Variants in PRB3 observed in about 807,000 individuals in gnomAD.
PRB3 encodes proline rich protein BstNI subfamily 3.
A neutral mutation model predicts 10.0 loss-of-function variants in PRB3; 9 were observed. That is an observed-to-expected ratio of 0.90 (90% CI 0.54 to 1.57). PRB3 has a LOEUF of 1.57. Among genes scored for constraint, PRB3 ranks in the 40% most tolerant of loss-of-function variants. PRB3 has a pLI of 0.00. For synonymous variants in PRB3, 89 were observed against 138.6 expected (o/e 0.64, Z 2.52); for missense variants, 285 against 385.5 (o/e 0.74, Z 2.18).
At chr12:11,269,537 C>G in intron 1 of PRB3, 69 bp downstream of exon 1, 4 of 1,571,926 alleles carry the variant, frequency 2.5e-6, no homozygotes, top group East Asian at 2.2e-5. Context: ...CCTCTCTTCC[C>G]CATAATTACA....
chr12:11,269,666 G>A lies in PRB3; in HGVS notation c.4C>T (p.Leu2=). 1 of 1,614,034 alleles carries A rather than the reference G, an allele frequency of 6.2e-7. No homozygotes were observed. The highest frequency in any genetic ancestry group is 1.3e-5 in the African/African-American group (1 of 75,046). M[L]LILLSVALLA... is the part of the protein sequence containing the mutation. ...AGGGCCACCGACAGCAGAATCAGTA[G>A]CATCTTGCTGGAGGCTCTGGAGTCA... Residue 2 remains leucine (L), a synonymous_variant, in exon 1 of 4, where the codon CTA becomes TTA. Coordinates refer to ENST00000538488, the MANE Select transcript of PRB3 (RefSeq NM_001394862.1).
Position 11,267,941 on chromosome 12 carries a change from G to T in PRB3, c.308C>A (p.Pro103His), listed in dbSNP as rs1477143783. ...TTGGGACTGGTTTCCTCCTTGTGGG[G>T]GTTGTCCTTCTGGCTTTCCCGGACG... ...PPRPGKPEGQ[P>H]PQGGNQSQGP... Residue 103 changes from proline (P) to histidine (H), a missense_variant, in exon 3 of 4, where the codon CCC becomes CAC. Pro to His is a moderately conservative substitution (Grantham distance 77). Transcript: ENST00000538488. 1.3e-6 allele frequency: 2 copies of T among 1,542,724 alleles called. No individual in the cohort carries two copies. Among genetic ancestry groups the T allele is most frequent in the Non-Finnish European group, 1.7e-6 (2 of 1,147,606 alleles).
chr12:11,268,075 T>A lies in PRB3; in HGVS notation c.174A>T (p.Glu58Asp). The change falls in exon 3 of 4, where the codon GAA becomes GAT. Residue 58 changes from glutamate to aspartate, a missense_variant. Transcript: ENST00000538488. ...QRTPPPPGKP[E>D]GRPPQGGNQS... ...GGTTGCCTCCTTGTGGGGGTCGTCC[T>A]TCTGGCTTTCCTGGAGGAGGTGGGG... The A allele has an allele frequency of 1.9e-6, 3 of 1,612,922 alleles. No homozygotes were observed. In the South Asian group the frequency reaches 3.3e-5, roughly 18 times the overall value.
chr12:11,268,682 A>G lies in PRB3; in HGVS notation c.65-14T>C, dbSNP rs749793970. 1.2e-6 allele frequency: 2 copies of G among 1,612,596 alleles called. No individual in the cohort carries two copies. The highest frequency in any genetic ancestry group is 1.7e-6 in the Non-Finnish European group (2 of 1,178,678). On this transcript the variant is annotated splice_polypyrimidine_tract_variant and intron_variant, in intron 1 of 3. Transcript: ENST00000538488. Reference sequence around the variant, plus strand: ...CCTGGCTGACATCTAGAAGAGAAGCACAGGATGATGGGAAAGGTTACATCT... The same window carrying G: ...CCTGGCTGACATCTAGAAGAGAAGCGCAGGATGATGGGAAAGGTTACATCT...
intron 3 of PRB3, 149 bp downstream of exon 3, chr12:11,267,027 C>A: frequency 1.2e-6 from 1 of 829,182 alleles, no homozygotes; most frequent in East Asian, 2.7e-5. Context: ...GGTCTTCTTA[C>A]CCTATTCCAG....
In PRB3 at chr12:11,267,348, G is replaced by T. The variant is rs758570507; in HGVS notation, c.901C>A (p.Arg301Ser). ...TGTGGCCTTCCTGGAGGAGGGGGAC[G>T]TTGAGGTTTGTTACCTTCTTGTGGG... ...PPPQEGNKPQ[R>S]PPPPGRPQGP... The change falls in exon 3 of 4, where the codon CGT becomes AGT. Residue 301 changes from arginine (R) to serine (S), a missense_variant. Arg to Ser is a moderately radical substitution (Grantham distance 110, BLOSUM62 -1). Coordinates refer to ENST00000538488, the MANE Select transcript of PRB3 (RefSeq NM_001394862.1). The T allele has an allele frequency of 4.3e-6, 7 of 1,609,690 alleles. No individual in the cohort carries two copies. The Middle Eastern group carries it at 5.0e-4, about 114-fold the overall frequency.
intron 1 of PRB3, among the ~76,000 whole-genome samples, chr12:11,269,209 G>A (rs1201632049): frequency 6.6e-6 from 1 of 152,140 alleles, no homozygotes; most frequent in East Asian, 1.9e-4. Context: ...TCTAATGTGT[G>A]TTTATCTCCA....
chr12:11,266,941 A>G (rs1248082626), intron 3 of PRB3, among the ~76,000 whole-genome samples: 15 of 152,358 alleles, frequency 9.8e-5, no homozygotes, highest in Admixed American at 7.8e-4. Context: ...CTCATTGCCA[A>G]CACAATTTAA....
At chr12:11,269,123 A>C (rs1187040850) in intron 1 of PRB3, among the ~76,000 whole-genome samples, 1 of 152,134 alleles carries the variant, frequency 6.6e-6, no homozygotes, top group African/African-American at 2.4e-5. Flanking sequence ...AAAAATCACA[A>C]TGATTGAATC....
chr12:11,269,055 C>CA (rs1272079425), intron 1 of PRB3, among the ~76,000 whole-genome samples: 8 of 152,164 alleles, frequency 5.3e-5, no homozygotes, highest in Admixed American at 5.2e-4. Context: ...GTAATTGTTT[C>CA]AATACAATCT....
chr12:11,268,510 A>G (rs1257093734), intron 2 of PRB3, 123 bp downstream of exon 2: 2 of 1,333,220 alleles, frequency 1.5e-6, no homozygotes, highest in Middle Eastern at 1.8e-4. Flanking sequence ...TGCCTGCATT[A>G]TTAGGGGGAC....
chr12:11,269,695 C>G lies in PRB3; in HGVS notation c.-26G>C. 1.2e-6 allele frequency: 2 copies of G among 1,613,602 alleles called. No homozygotes were observed. The highest frequency in any genetic ancestry group is 1.7e-6 in the Non-Finnish European group (2 of 1,179,638). On this transcript the variant is annotated 5_prime_UTR_variant, in exon 1 of 4. Transcript: ENST00000538488. ...CTTGCTGGAGGCTCTGGAGTCACTCCCAACTCTGTGCTGGGAGAACCATGG... is the reference window on the plus strand; with the variant it reads ...CTTGCTGGAGGCTCTGGAGTCACTCGCAACTCTGTGCTGGGAGAACCATGG...
At chr12:11,269,044 A>T (rs1948624757) in intron 1 of PRB3, among the ~76,000 whole-genome samples, 1 of 152,234 alleles carries the variant, frequency 6.6e-6, no homozygotes, top group African/African-American at 2.4e-5. Flanking sequence ...GGTAACCAGA[A>T]GTAATTGTTT....
At chr12:11,268,411 C>A (rs1056440754) in intron 2 of PRB3, among the ~76,000 whole-genome samples, 1 of 152,072 alleles carries the variant, frequency 6.6e-6, no homozygotes, top group Non-Finnish European at 1.5e-5. Flanking sequence ...GGAAGTCAAC[C>A]CACTCCCGTT....
In PRB3 at chr12:11,266,444, A is replaced by T. The variant is rs145623091; in HGVS notation, c.*18-415T>A. 3.6e-3 allele frequency among the ~76,000 whole-genome samples: 544 copies of T among 152,336 alleles called. 2 individuals are homozygous for T. Among genetic ancestry groups the T allele is most frequent in the African/African-American group, 0.012 (519 of 41,570 alleles). On this transcript the variant is annotated intron_variant, in intron 3 of 3. Coordinates refer to ENST00000538488, the MANE Select transcript of PRB3 (RefSeq NM_001394862.1). ...CATAAAATTGTAAAAGCAAACAGAA[A>T]ACCACTGAAGAGATGTATTTAGCTT...
intron 3 of PRB3, 125 bp from the exon 4 acceptor site, chr12:11,266,154 C>A: frequency 5.5e-6 from 2 of 366,174 alleles, no homozygotes; most frequent in Non-Finnish European, 1.1e-5. Context: ...TCCCTTCAAC[C>A]TCCTGTGATT....
intron 3 of PRB3, 127 bp downstream of exon 3, chr12:11,267,049 A>G: frequency 2.0e-6 from 2 of 980,102 alleles, no homozygotes; most frequent in Non-Finnish European, 3.2e-6. Flanking sequence ...GTATCTGAAT[A>G]CAAATCTTTA....
chr12:11,266,824 C>T (rs11054200), intron 3 of PRB3, among the ~76,000 whole-genome samples: 2,113 of 152,156 alleles, frequency 0.014, 51 homozygotes, highest in African/African-American at 0.048. Context: ...GAGAGGCTGG[C>T]GTGAGGCAGG....
rs201837572 is a variant in PRB3 at position 11,267,687 on chromosome 12, G to A, written c.562C>T (p.Pro188Ser). The change falls in exon 3 of 4, where the codon CCA becomes TCA. Residue 188 changes from proline to serine, a missense_variant. Around this residue, in one of 3 missense-constraint regions of PRB3, gnomAD observed 30 missense variants for 149.2 expected, o/e 0.20. Transcript: ENST00000538488. ...PHPGKPEGPP[P>S]QGGNQSQGPP... is the part of the protein sequence containing the mutation. The stretch of plus-strand genomic sequence containing the variant: ...CCTTGGGACTGGTTTCCTCCTTGTG[G>A]GGGTGGTCCTTCTGGCTTTCCCGGA... 3.5e-3 allele frequency: 5,251 copies of A among 1,493,040 alleles called. 39 individuals carry two copies. In the East Asian group the frequency reaches 0.1, roughly 29 times the overall value. 92.5% of individuals were successfully genotyped at this position (1,493,040 alleles called of 1,614,324 possible).
Sources: allele counts gnomAD v4.1 joint callset (sites outside exome capture counted in the v4.1 genomes callset), GRCh38; gene constraint gnomAD v4.1.1; regional missense constraint gnomAD v4.1.1; transcripts MANE v1.5; gene names NCBI Gene and HGNC (gene_info 2026-07-23, HGNC 2026-07-21).